The following BCKDHB variants were observed in gnomAD, a reference collection of about 807,000 sequenced individuals.
BCKDHB encodes 2-oxoisovalerate dehydrogenase subunit beta, mitochondrial.
A neutral mutation model predicts 48.5 loss-of-function variants in BCKDHB; 41 were observed. That is an observed-to-expected ratio of 0.85 (90% CI 0.66 to 1.10). The LOEUF is 1.10. Among genes scored for constraint, BCKDHB ranks in the 50% least tolerant of loss-of-function variants. BCKDHB has a pLI of 0.00. For missense variants in BCKDHB, 496 were observed against 494.2 expected (o/e 1.00, Z -0.03); for synonymous variants, 201 against 174.8 (o/e 1.15, Z -1.18).
chr6:80,361,960 C>T, the BCKDHB span, among the ~76,000 whole-genome samples: 1 of 151,880 alleles, frequency 6.6e-6, no homozygotes, highest in Admixed American at 6.6e-5. Context: ...AAGAGTGGTC[C>T]TGGGAGTTGT....
chr6:80,384,348 C>CT, the BCKDHB span, among the ~76,000 whole-genome samples: 77 of 147,510 alleles, frequency 5.2e-4, 1 homozygote, highest in African/African-American at 1.9e-3. Context: ...TCTTCTTCTT[C>CT]TTTTTTTTTT....
chr6:80,334,161 A>C (rs1295090738), intron 9 of BCKDHB, among the ~76,000 whole-genome samples: 1 of 152,146 alleles, frequency 6.6e-6, no homozygotes, highest in East Asian at 1.9e-4. Context: ...TACTAACCAA[A>C]TTTAAAGTTG....
intron 3 of BCKDHB, among the ~76,000 whole-genome samples, chr6:80,151,443 T>A (rs1407918631): frequency 6.6e-6 from 1 of 152,000 alleles, no homozygotes; most frequent in Non-Finnish European, 1.5e-5. Flanking sequence ...GTTTTTTTGT[T>A]TTTGGCCAAA....
intron 9 of BCKDHB, among the ~76,000 whole-genome samples, chr6:80,296,791 A>C (rs2127988844): frequency 6.6e-6 from 1 of 152,232 alleles, no homozygotes; most frequent in East Asian, 1.9e-4. Context: ...TTTACAATTA[A>C]TTTTTCACAA....
the BCKDHB span, among the ~76,000 whole-genome samples, chr6:80,425,640 T>A: frequency 2.6e-5 from 4 of 152,166 alleles, no homozygotes; most frequent in Admixed American, 6.6e-5. Context: ...CAGCAGCTGA[T>A]GACAATGAAA....
intron 9 of BCKDHB, among the ~76,000 whole-genome samples, chr6:80,294,762 A>G (rs975034532): frequency 1.3e-5 from 2 of 152,088 alleles, no homozygotes; most frequent in Admixed American, 1.3e-4. Context: ...TCTGCTCTCA[A>G]ACCCTGTTTT....
chr6:80,356,939 C>G, the BCKDHB span: 2 of 56,762 alleles, frequency 3.5e-5, no homozygotes, highest in Non-Finnish European at 7.8e-5. Context: ...CTCTCTCCCC[C>G]GCCCCCGCCC....
At chr6:80,319,937 T>TTC (rs1417718043) in intron 9 of BCKDHB, among the ~76,000 whole-genome samples, 1 of 152,174 alleles carries the variant, frequency 6.6e-6, no homozygotes, top group Non-Finnish European at 1.5e-5. Context: ...TTCAGTGAAA[T>TTC]AGGAAACATT....
intron 8 of BCKDHB, among the ~76,000 whole-genome samples, chr6:80,219,571 A>T (rs1775321683): frequency 6.6e-6 from 1 of 152,084 alleles, no homozygotes; most frequent in Admixed American, 6.6e-5. Flanking sequence ...GCTGCACAAC[A>T]ATCACCAGGG....
At chr6:80,224,578 T>A (rs1775600790) in intron 8 of BCKDHB, among the ~76,000 whole-genome samples, 2 of 152,134 alleles carry the variant, frequency 1.3e-5, no homozygotes, top group Non-Finnish European at 1.5e-5. Context: ...TTTTCTTTTG[T>A]AGAGACGGGC....
intron 9 of BCKDHB, among the ~76,000 whole-genome samples, chr6:80,310,030 TC>T (rs1768072816): frequency 6.6e-6 from 1 of 152,078 alleles, no homozygotes; most frequent in South Asian, 2.1e-4. Flanking sequence ...GGACATGATC[TC>T]ATTCCTTTTT....
Position 80,343,745 on chromosome 6 carries a change from T to C in BCKDHB, c.1120T>C (p.Phe374Leu). ...DTPFPHIFEP[F>L]YIPDKWKCYD... The stretch of plus-strand genomic sequence containing the variant: ...ACCATTTCCTCACATTTTTGAACCA[T>C]TCTACATCCCAGACAAATGGAAGTG... The change falls in exon 10 of 10, where the codon TTC (phenylalanine) becomes CTC (leucine). Residue 374 changes from phenylalanine (F) to leucine (L), a missense_variant. By Grantham distance (22) the Phe-to-Leu change is conservative. Coordinates refer to ENST00000320393, the MANE Select transcript of BCKDHB (RefSeq NM_183050.4). 1.2e-6 allele frequency: 2 copies of C among 1,614,010 alleles called. No individual in the cohort carries two copies. The highest frequency in any genetic ancestry group is 1.7e-6 in the Non-Finnish European group (2 of 1,179,968).
Position 80,106,849 on chromosome 6 carries a change from T to G in BCKDHB, c.156T>G (p.Ala52=), listed in dbSNP as rs1769091400. Residue 52 remains alanine (A), a synonymous_variant, in exon 1 of 10, where the codon GCT becomes GCG. Transcript: ENST00000320393. ...VEDAAQRRQV[A]HFTFQPDPEP... is the part of the protein sequence containing the mutation. ...ATGCGGCCCAGAGGCGGCAGGTGGCTCATTTTACTTTCCAGCCAGATCCGG... is the reference window on the plus strand; with the variant it reads ...ATGCGGCCCAGAGGCGGCAGGTGGCGCATTTTACTTTCCAGCCAGATCCGG... The G allele has an allele frequency of 1.9e-6, 3 of 1,610,100 alleles. No individual in the cohort carries two copies. Among genetic ancestry groups the G allele is most frequent in the Non-Finnish European group, 2.5e-6 (3 of 1,178,988 alleles).
At chr6:80,108,308 G>GT (rs574194102) in intron 1 of BCKDHB, among the ~76,000 whole-genome samples, 3,129 of 131,044 alleles carry the variant, frequency 0.024, 44 homozygotes, top group African/African-American at 0.047. Flanking sequence ...AATAGTAGGT[G>GT]TTTTTTTTTT....
chr6:80,214,539 T>A (rs947733179), intron 8 of BCKDHB, among the ~76,000 whole-genome samples: 1 of 152,190 alleles, frequency 6.6e-6, no homozygotes, highest in Non-Finnish European at 1.5e-5. Flanking sequence ...GAAAGTGAGT[T>A]AATGAAATCA....
Position 80,274,887 on chromosome 6 carries a change from A to G in BCKDHB, c.1038+1666A>G, listed in dbSNP as rs1232105919. On this transcript the variant is annotated intron_variant, in intron 9 of 9. Coordinates refer to ENST00000320393, the MANE Select transcript of BCKDHB (RefSeq NM_183050.4). ...TTATGTTAATGGAAAAATGTCTCTC[A>G]GGCCCCAAGAATACATTAGTGAATC... 3.3e-5 allele frequency among the ~76,000 whole-genome samples: 5 copies of G among 152,104 alleles called. No individual in the cohort carries two copies. In the East Asian group the frequency reaches 9.7e-4, roughly 29 times the overall value.
chr6:80,253,437 C>A (rs530311158), intron 8 of BCKDHB, among the ~76,000 whole-genome samples: 3 of 152,296 alleles, frequency 2.0e-5, no homozygotes, highest in Non-Finnish European at 4.4e-5. Context: ...GCTGTTTAAT[C>A]ATGCGTCGGG....
chr6:80,371,365 C>T, the BCKDHB span, among the ~76,000 whole-genome samples: 4 of 151,784 alleles, frequency 2.6e-5, no homozygotes, highest in African/African-American at 9.7e-5. Context: ...TGTTTGAGTT[C>T]CTTGTAGAGT....
At chr6:80,438,133 A>T in the BCKDHB span, among the ~76,000 whole-genome samples, 1 of 152,242 alleles carries the variant, frequency 6.6e-6, no homozygotes, top group African/African-American at 2.4e-5. Flanking sequence ...TTGCACTATT[A>T]TCTCAGCCTC....
Sources: gnomAD v4.1 joint callset for allele counts (sites outside exome capture counted in the v4.1 genomes callset) on GRCh38, gnomAD v4.1.1 for gene constraint, MANE v1.5 for transcripts, NCBI Gene and HGNC (gene_info 2026-07-23, HGNC 2026-07-21) for gene names.